Variants in SLC41A3 observed in about 807,000 individuals in gnomAD.
SLC41A3 encodes solute carrier family 41 member 3, also known as SLC41A1-like 2.
A neutral mutation model predicts 45.4 loss-of-function variants in SLC41A3; 44 were observed. The observed-to-expected ratio is 0.97, with a 90% CI of 0.76 to 1.25. The LOEUF is 1.25. Among genes scored for constraint, SLC41A3 ranks in the 50% most tolerant of loss-of-function variants. SLC41A3 has a pLI of 0.00. For synonymous variants in SLC41A3, 256 were observed against 252.4 expected, an observed-to-expected ratio of 1.01 and a Z score of -0.13; for missense variants, 550 against 600.6, an observed-to-expected ratio of 0.92 and a Z score of 0.88.
chr3:126,057,300 C>A, intron 2 of SLC41A3: 2 of 396,700 alleles, frequency 5.0e-6, no homozygotes, highest in Non-Finnish European at 6.8e-6. Context: ...AACATGCTTC[C>A]AAAGTGGCCT....
chr3:126,059,280 A>AAAGAAAG (rs1943898231), intron 2 of SLC41A3, among the ~76,000 whole-genome samples: 2 of 139,438 alleles, frequency 1.4e-5, no homozygotes, highest in Admixed American at 7.2e-5. Flanking sequence ...GAAAGAAAGA[A>AAAGAAAG]AGAAAGAAAG....
intron 1 of SLC41A3, among the ~76,000 whole-genome samples, chr3:126,090,328 G>C (rs1163030754): frequency 6.6e-6 from 1 of 152,132 alleles, no homozygotes; most frequent in Non-Finnish European, 1.5e-5. Flanking sequence ...CAAGTATAAT[G>C]AGCCTAGAAC....
chr3:126,065,910 C>T (rs1267953084), intron 2 of SLC41A3, among the ~76,000 whole-genome samples: 2 of 152,018 alleles, frequency 1.3e-5, no homozygotes, highest in Non-Finnish European at 2.9e-5. Context: ...ATATCAAGAC[C>T]TCAACCTGTC....
intron 3 of SLC41A3, among the ~76,000 whole-genome samples, chr3:126,045,035 C>T (rs1311493240): frequency 6.7e-6 from 1 of 149,132 alleles, no homozygotes; most frequent in Non-Finnish European, 1.5e-5. Context: ...CTTGAACAAC[C>T]AGTGGGTCCA....
chr3:126,055,596 C>G (rs1943605192), intron 2 of SLC41A3, among the ~76,000 whole-genome samples: 1 of 152,186 alleles, frequency 6.6e-6, no homozygotes, highest in Admixed American at 6.5e-5. Flanking sequence ...TTGAAAGGTC[C>G]ACAGCAGCGG....
At chr3:126,055,690 T>A (rs1943611406) in intron 2 of SLC41A3, among the ~76,000 whole-genome samples, 1 of 152,170 alleles carries the variant, frequency 6.6e-6, no homozygotes. Flanking sequence ...AATGTTTCAG[T>A]TGACAGATAG....
At chr3:126,084,668 T>C (rs1471814734), upstream of SLC41A3, among the ~76,000 whole-genome samples, 1 of 152,152 alleles carries the variant, frequency 6.6e-6, no homozygotes, top group African/African-American at 2.4e-5. Context: ...ATTCTCATAG[T>C]ATTACGGTCA....
rs764183592 is a variant in SLC41A3 at position 126,056,397 on chromosome 3, C to T, written c.274-5347G>A. The T allele has an allele frequency of 4.3e-6, 7 of 1,614,184 alleles. No homozygotes were observed. In the South Asian group the frequency reaches 6.6e-5, roughly 15 times the overall value. ...TCACCAGGCCGGCTGTCATCATGCA[C>T]AAGCCGGACAGCAGAATGGGCACCA... On this transcript the variant is annotated intron_variant, in intron 2 of 10. Transcript: ENST00000360370.
In SLC41A3 at chr3:126,050,994, C is replaced by T; in HGVS notation, c.330G>A (p.Val110=). The part of the protein sequence containing the change: ...KDLLTLVPPL[V]GLKGNLEMTL... ...TCATCTCCAGGTTCCCCTTCAGGCC[C>T]ACCAGGGGCGGCACCAATGTCAAAA... Residue 110 remains valine, a synonymous_variant, in exon 3 of 11, where the codon GTG becomes GTA. Coordinates refer to ENST00000360370, the MANE Select transcript of SLC41A3 (RefSeq NM_017836.4). The T allele has an allele frequency of 1.2e-6, 2 of 1,612,664 alleles. No individual in the cohort carries two copies. The highest frequency in any genetic ancestry group is 8.5e-7 in the Non-Finnish European group (1 of 1,179,382).
intron 1 of SLC41A3, chr3:126,092,534 T>TTGTG (rs534528210): frequency 1.3e-5 from 2 of 151,948 alleles, no homozygotes; most frequent in South Asian, 2.0e-4. Context: ...ACCTCTATAT[T>TTGTG]TGTGTGTGTG....
intron 7 of SLC41A3, 145 bp from the exon 8 acceptor site, chr3:126,015,718 C>T: frequency 1.4e-6 from 1 of 736,434 alleles, no homozygotes; most frequent in Non-Finnish European, 2.3e-6. Context: ...TCTGCTGCGG[C>T]CAAACTGGTC....
chr3:126,060,192 G>T (rs959256286), intron 2 of SLC41A3, among the ~76,000 whole-genome samples: 2 of 152,126 alleles, frequency 1.3e-5, no homozygotes, highest in African/African-American at 2.4e-5. Context: ...GCTGAGGCGG[G>T]CAGATCACCT....
intron 1 of SLC41A3, chr3:126,073,032 T>C (rs1326124155): frequency 1.3e-5 from 2 of 152,146 alleles, no homozygotes; most frequent in Non-Finnish European, 2.9e-5. Context: ...CCCAATACCA[T>C]GTTTCACTTA....
intron 6 of SLC41A3, among the ~76,000 whole-genome samples, chr3:126,020,559 C>T (rs769030814): frequency 3.3e-5 from 5 of 152,186 alleles, no homozygotes; most frequent in Non-Finnish European, 5.9e-5. Context: ...TTCGAAGCTC[C>T]ATCCCAACCA....
chr3:126,100,594 T>C (rs569038938), intron 1 of SLC41A3, among the ~76,000 whole-genome samples: 60 of 151,898 alleles, frequency 4.0e-4, no homozygotes, highest in African/African-American at 1.4e-3. Context: ...TGAAGTCACA[T>C]AAGACGGCAG....
chr3:126,043,241 A>T (rs2107827377), intron 3 of SLC41A3, among the ~76,000 whole-genome samples: 1 of 152,290 alleles, frequency 6.6e-6, no homozygotes, highest in Non-Finnish European at 1.5e-5. Context: ...AGGTAATATT[A>T]ATATATTTAC....
At chr3:126,028,683 C>T (rs1453101218) in intron 4 of SLC41A3, among the ~76,000 whole-genome samples, 1 of 152,226 alleles carries the variant, frequency 6.6e-6, no homozygotes, top group Admixed American at 6.5e-5. Context: ...ATGGTAGCTC[C>T]ACCAGCATCT....
intron 1 of SLC41A3, among the ~76,000 whole-genome samples, chr3:126,089,391 T>C (rs1327731986): frequency 6.6e-6 from 1 of 152,230 alleles, no homozygotes; most frequent in Non-Finnish European, 1.5e-5. Flanking sequence ...GTAAGATGTT[T>C]AAACAAACTT....
At chr3:126,091,385 T>C (rs1945485417) in intron 1 of SLC41A3, among the ~76,000 whole-genome samples, 1 of 152,108 alleles carries the variant, frequency 6.6e-6, no homozygotes, top group African/African-American at 2.4e-5. Context: ...AAGATTTACA[T>C]TGGTCAGGCC....
Sources: allele counts gnomAD v4.1 joint callset (sites outside exome capture counted in the v4.1 genomes callset), GRCh38; gene constraint gnomAD v4.1.1; transcripts MANE v1.5; gene names NCBI Gene and HGNC (gene_info 2026-07-23, HGNC 2026-07-21).